SLC10A1: variants seen among roughly 807,000 people sequenced by gnomAD.
The protein encoded by SLC10A1 is hepatic sodium/bile acid cotransporter.
In SLC10A1, 36 loss-of-function variants were observed where a neutral mutation model predicts 20.5. That is an observed-to-expected ratio of 1.75 (90% CI 1.34 to 2.32). The LOEUF is 2.32. Among genes scored for constraint, SLC10A1 ranks in the 30% most tolerant of loss-of-function variants. The probability of loss-of-function intolerance (pLI) is 0.00; values close to 1 mark genes in which losing one functional copy is unlikely to be tolerated. For missense variants in SLC10A1, 545 were observed against 439.1 expected (o/e 1.24, Z -2.16); for synonymous variants, 188 against 163.6 (o/e 1.15, Z -1.14).
intron 3 of SLC10A1, 63 bp from the exon 4 acceptor site, chr14:69,778,592 A>G: frequency 1.4e-6 from 2 of 1,403,786 alleles, no homozygotes; most frequent in Non-Finnish European, 1.9e-6. Context: ...ACTTTGTCCC[A>G]GTGCTGCTAC....
chr14:69,777,606 A>AATT (rs1883479436), intron 4 of SLC10A1, among the ~76,000 whole-genome samples: 1 of 75,972 alleles, frequency 1.3e-5, no homozygotes, highest in Non-Finnish European at 2.2e-5. Context: ...TTTTTTTTTT[A>AATT]AAATTGGTGT....
At chr14:69,791,531 A>T (rs751607575) in intron 1 of SLC10A1, among the ~76,000 whole-genome samples, 1 of 152,180 alleles carries the variant, frequency 6.6e-6, no homozygotes, top group Non-Finnish European at 1.5e-5. Context: ...CGATCTCCTG[A>T]CCTCGTGATC....
chr14:69,793,332 AG>A (rs1483270898), intron 1 of SLC10A1, among the ~76,000 whole-genome samples: 1 of 152,174 alleles, frequency 6.6e-6, no homozygotes, highest in Admixed American at 6.5e-5. Context: ...GTTTACCCCA[AG>A]GGACAGGGAC....
At chr14:69,778,889 A>G (rs1404087120) in intron 3 of SLC10A1, among the ~76,000 whole-genome samples, 2 of 152,156 alleles carry the variant, frequency 1.3e-5, no homozygotes, top group Admixed American at 1.3e-4. Flanking sequence ...ATCTCCAGGC[A>G]TGCAGTGGCT....
intron 2 of SLC10A1, among the ~76,000 whole-genome samples, chr14:69,781,421 T>C (rs1217311592): frequency 6.6e-6 from 1 of 152,236 alleles, no homozygotes; most frequent in Admixed American, 6.5e-5. Flanking sequence ...GTCCACAGTC[T>C]ACCCACAAAG....
rs761745895 is a variant in SLC10A1, at chr14:69,786,143, A to C, written c.521T>G (p.Ile174Ser). 20 of 1,614,028 alleles carry C rather than the reference A, an allele frequency of 1.2e-5. No homozygotes were observed. Among genetic ancestry groups the C allele is most frequent in the Non-Finnish European group, 1.4e-5 (16 of 1,180,042 alleles). ...TTGTGGCCGTTTGGATTTGAGGACG[A>C]TCCCTATGGTGCAAGGAATGAGAAC... ...VLVLIPCTIG[I>S]VLKSKRPQYM... is the part of the protein sequence containing the mutation. The change falls in exon 2 of 5, where the codon ATC becomes AGC. Residue 174 changes from isoleucine (I) to serine (S), a missense_variant. By Grantham distance (142) the Ile-to-Ser change is moderately radical. Coordinates refer to ENST00000216540, the MANE Select transcript of SLC10A1 (RefSeq NM_003049.4).
chr14:69,783,101 A>AC (rs1313514921), intron 2 of SLC10A1, among the ~76,000 whole-genome samples: 1 of 152,200 alleles, frequency 6.6e-6, no homozygotes, highest in Non-Finnish European at 1.5e-5. Context: ...TATGCACCCC[A>AC]CAAACTATCT....
At chr14:69,787,874 A>G (rs1883758959) in intron 1 of SLC10A1, among the ~76,000 whole-genome samples, 1 of 152,110 alleles carries the variant, frequency 6.6e-6, no homozygotes, top group Non-Finnish European at 1.5e-5. Context: ...CTACACACAA[A>G]CAAATGAACA....
At chr14:69,778,602 C>T (rs1444770407) in intron 3 of SLC10A1, 73 bp from the exon 4 acceptor site, 2 of 1,334,402 alleles carry the variant, frequency 1.5e-6, no homozygotes, top group Non-Finnish European at 2.0e-6. Flanking sequence ...AGTGCTGCTA[C>T]CAAAGAGTTT....
At chr14:69,782,607 A>T (rs952275490) in intron 2 of SLC10A1, among the ~76,000 whole-genome samples, 14 of 152,300 alleles carry the variant, frequency 9.2e-5, no homozygotes, top group Non-Finnish European at 1.6e-4. Flanking sequence ...GGAGATCGGG[A>T]CCATCCTGGC....
At chr14:69,786,849 G>A (rs761124455) in intron 1 of SLC10A1, among the ~76,000 whole-genome samples, 31 of 152,334 alleles carry the variant, frequency 2.0e-4, no homozygotes, top group Middle Eastern at 3.4e-3. Flanking sequence ...TACCTCGTGG[G>A]GAGTCTGAGT....
rs1239055694 is a variant in SLC10A1 at position 69,786,109 on chromosome 14, G to A, written c.555C>T (p.Arg185=). The A allele has an allele frequency of 6.2e-7, 1 of 1,614,014 alleles. No individual in the cohort carries two copies. The highest frequency in any genetic ancestry group is 1.1e-5 in the South Asian group (1 of 91,074). The change falls in exon 2 of 5, where the codon CGC becomes CGT. Residue 185 remains arginine, a synonymous_variant. Coordinates refer to ENST00000216540, the MANE Select transcript of SLC10A1 (RefSeq NM_003049.4). ...CCCAGGTTCTTACCTTGATGACATA[G>A]CGCATGTATTGTGGCCGTTTGGATT... ...VLKSKRPQYM[R]YVIKGGMIII...
At chr14:69,780,173 A>G (rs566301958) in intron 2 of SLC10A1, among the ~76,000 whole-genome samples, 52 of 152,346 alleles carry the variant, frequency 3.4e-4, no homozygotes, top group African/African-American at 1.2e-3. Flanking sequence ...CTTGGGTGAT[A>G]ACAACATCAT....
At chr14:69,776,803 C>G (rs1272472480) in intron 4 of SLC10A1, among the ~76,000 whole-genome samples, 2 of 152,190 alleles carry the variant, frequency 1.3e-5, no homozygotes, top group African/African-American at 4.8e-5. Flanking sequence ...TCTTCTTGTC[C>G]GTGGTGTAGG....
Position 69,796,884 on chromosome 14 carries a change from A to G in SLC10A1, c.272T>C (p.Leu91Pro). The change falls in exon 1 of 5, where the codon CTG becomes CCG. Residue 91 changes from leucine (L) to proline (P), a missense_variant. Physicochemically the swap from Leu to Pro is moderately conservative, Grantham distance 98 (BLOSUM62 -3). Coordinates refer to ENST00000216540, the MANE Select transcript of SLC10A1 (RefSeq NM_003049.4). ...TGAGCAGCCACAGACCAAGATGGCC[A>G]GTGCCTCAATGTTCTTCAGCCGGAA... is the stretch of plus-strand genomic sequence containing the variant. ...KVFRLKNIEA[L>P]AILVCGCSPG... 6.2e-7 allele frequency: 1 copy of G among 1,614,230 alleles called. No homozygotes were observed. Among genetic ancestry groups the G allele is most frequent in the South Asian group, 1.1e-5 (1 of 91,076 alleles).
At chr14:69,779,798 T>C (rs1182437740) in intron 2 of SLC10A1, among the ~76,000 whole-genome samples, 1 of 152,014 alleles carries the variant, frequency 6.6e-6, no homozygotes, top group African/African-American at 2.4e-5. Flanking sequence ...AGTGAAGTGT[T>C]ACGTGAGGCT....
chr14:69,781,270 T>C (rs1387990383), intron 2 of SLC10A1, among the ~76,000 whole-genome samples: 1 of 152,254 alleles, frequency 6.6e-6, no homozygotes, highest in Non-Finnish European at 1.5e-5. Context: ...CCCTGTCTCC[T>C]GCTGAGACAA....
At chr14:69,781,956 G>A (rs958734473) in intron 2 of SLC10A1, among the ~76,000 whole-genome samples, 6 of 152,224 alleles carry the variant, frequency 3.9e-5, no homozygotes, top group Non-Finnish European at 5.9e-5. Context: ...GGTCCAAGGA[G>A]GGTTATGTGT....
chr14:69,791,706 C>G (rs1353195959), intron 1 of SLC10A1, among the ~76,000 whole-genome samples: 1 of 152,010 alleles, frequency 6.6e-6, no homozygotes, highest in East Asian at 1.9e-4. Flanking sequence ...CACATAGACC[C>G]GTAGAAGAGA....
Sources: allele counts gnomAD v4.1 joint callset (sites outside exome capture counted in the v4.1 genomes callset), GRCh38; gene constraint gnomAD v4.1.1; transcripts MANE v1.5; gene names NCBI Gene and HGNC (gene_info 2026-07-23, HGNC 2026-07-21).